Variants in MYO5C observed in about 807,000 individuals in gnomAD.
The protein encoded by MYO5C is myosin VC, also known as unconventional myosin-Vc.
A neutral mutation model predicts 235.7 loss-of-function variants in MYO5C; 194 were observed. That is an observed-to-expected ratio of 0.82 (90% confidence interval 0.73 to 0.93). The LOEUF (loss-of-function observed/expected upper bound fraction) is 0.93. Ranked by LOEUF, MYO5C falls within the 40% of genes least tolerant of loss-of-function variation. MYO5C has a pLI of 0.00. For missense variants in MYO5C, 2,038 were observed against 2,127.2 expected (o/e 0.96, Z 0.82); for synonymous variants, 707 against 754.8 (o/e 0.94, Z 1.04).
intron 7 of MYO5C, among the ~76,000 whole-genome samples, chr15:52,271,390 G>A (rs935702518): frequency 3.3e-5 from 5 of 152,028 alleles, no homozygotes; most frequent in South Asian, 2.1e-4. Context: ...CACCACACCC[G>A]GTTAATTTTT....
Position 52,278,902 on chromosome 15 carries a change from C to T in MYO5C, c.420G>A (p.Val140=). Residue 140 remains valine, a synonymous_variant, in exon 4 of 41, where the codon GTG becomes GTA. Transcript: ENST00000261839. The part of the protein sequence containing the change: ...MGDMDPHIFA[V]AEEAYKQMAR... ...CCATCTGCTTGTATGCCTCTTCTGC[C>T]ACGGCAAATATGTGTGGGTCCATAT... The T allele has an allele frequency of 1.2e-6, 2 of 1,614,104 alleles. No individual in the cohort carries two copies. The highest frequency in any genetic ancestry group is 1.7e-6 in the Non-Finnish European group (2 of 1,180,000).
At chr15:52,226,138 T>G (rs2035817423) in intron 25 of MYO5C, among the ~76,000 whole-genome samples, 1 of 152,052 alleles carries the variant, frequency 6.6e-6, no homozygotes, top group South Asian at 2.1e-4. Flanking sequence ...GGGGGAAGAC[T>G]GAGAAAGGTA....
chr15:52,274,741 T>C (rs1283605275), intron 5 of MYO5C, among the ~76,000 whole-genome samples: 1 of 150,168 alleles, frequency 6.7e-6, no homozygotes, highest in Non-Finnish European at 1.5e-5. Context: ...ATCTTACACT[T>C]GGAGATTGGG....
At position 52,192,792 on chromosome 15, in the gene MYO5C, G is replaced by A. The variant is rs138758514; in HGVS notation, c.*1110C>T. 7.2e-5 allele frequency: 11 copies of A among 152,170 alleles called. No individual in the cohort carries two copies. In the East Asian group the frequency reaches 2.1e-3, roughly 29 times the overall value. The allele number at this position is 152,170 out of a possible 1,614,324, so 9.4% of individuals were successfully genotyped here. A position where few individuals can be genotyped will look rare whatever the true frequency, so the allele number is the denominator to read the frequency against. ...TACATTGAAATGCTGATTAGAGAGCGAAAGTAATTTAGGTTGCTTTTTCAA... is the reference window on the plus strand; with the variant it reads ...TACATTGAAATGCTGATTAGAGAGCAAAAGTAATTTAGGTTGCTTTTTCAA... On this transcript the variant is annotated 3_prime_UTR_variant, in exon 41 of 41. Transcript: ENST00000261839.
intron 4 of MYO5C, 92 bp from the exon 5 acceptor site, chr15:52,275,810 G>A: frequency 1.6e-6 from 2 of 1,245,354 alleles, no homozygotes; most frequent in Admixed American, 1.9e-5. Flanking sequence ...GACAAAAGAG[G>A]GAAACTGTTT....
Position 52,223,578 on chromosome 15 carries a change from C to G in MYO5C, c.3593G>C (p.Arg1198Pro). 6.2e-7 allele frequency: 1 copy of G among 1,614,130 alleles called. No homozygotes were observed. Among genetic ancestry groups the G allele is most frequent in the Non-Finnish European group, 8.5e-7 (1 of 1,179,996 alleles). ...TGATGTTAGCCTGGTAACTTCATGACGGATGCTTTCATTGATGTCATTTTC... is the reference window on the plus strand; with the variant it reads ...TGATGTTAGCCTGGTAACTTCATGAGGGATGCTTTCATTGATGTCATTTTC... ...REENDINESI[R>P]HEVTRLTSEN... Residue 1198 changes from arginine to proline, a missense_variant, in exon 29 of 41, where the codon CGT becomes CCT. Physicochemically the swap from Arg to Pro is moderately radical, Grantham distance 103. Coordinates refer to ENST00000261839, the MANE Select transcript of MYO5C (RefSeq NM_018728.4).
At chr15:52,208,248 A>AT (rs1156656904) in intron 36 of MYO5C, among the ~76,000 whole-genome samples, 1 of 152,244 alleles carries the variant, frequency 6.6e-6, no homozygotes, top group Non-Finnish European at 1.5e-5. Context: ...AGAAACAGGC[A>AT]TTTTAAACCA....
chr15:52,232,571 C>G (rs1476318524), intron 24 of MYO5C, 51 bp downstream of exon 24: 1 of 1,550,252 alleles, frequency 6.5e-7, no homozygotes, highest in Admixed American at 1.7e-5. Context: ...AAATATAAAA[C>G]AGCACAGACA....
chr15:52,194,358 A>G (rs1283946636), intron 40 of MYO5C, among the ~76,000 whole-genome samples: 2 of 152,238 alleles, frequency 1.3e-5, no homozygotes, highest in African/African-American at 4.8e-5. Flanking sequence ...TTCTAAGGTC[A>G]AACATGAGTA....
intron 16 of MYO5C, 131 bp from the exon 17 acceptor site, chr15:52,246,173 T>G: frequency 1.5e-6 from 1 of 681,136 alleles, no homozygotes; most frequent in Non-Finnish European, 2.6e-6. Context: ...AAGTTTCTAT[T>G]GCATGACCAA....
At chr15:52,285,769 T>G (rs1046063401) in intron 1 of MYO5C, among the ~76,000 whole-genome samples, 2 of 152,214 alleles carry the variant, frequency 1.3e-5, no homozygotes, top group Non-Finnish European at 2.9e-5. Flanking sequence ...GTTCACTCAG[T>G]GCTCAATGGT....
Position 52,225,523 on chromosome 15 carries a change from C to A in MYO5C, c.3217G>T (p.Glu1073Ter). ...AGTAGTTCTATCTCTTTTTCGAACT[C>A]AGAGATTGTCTGAATCACAGCAATG... ...RLSKQVKTIS[E>*]FEKEIELLQA... Residue 1073 changes from glutamate to a stop codon, truncating the protein, a stop_gained, in exon 26 of 41, where the codon GAG (glutamate) becomes TAG (stop). Transcript: ENST00000261839. LOFTEE classifies it high-confidence loss of function. 1 of 1,610,994 alleles carries A rather than the reference C, an allele frequency of 6.2e-7. No individual in the cohort carries two copies. Among genetic ancestry groups the A allele is most frequent in the South Asian group, 1.1e-5 (1 of 90,980 alleles).
intron 12 of MYO5C, 111 bp downstream of exon 12, chr15:52,253,206 C>T (rs1429480415): frequency 6.4e-6 from 7 of 1,090,364 alleles, no homozygotes; most frequent in African/African-American, 1.6e-5. Context: ...TCCATCCAAC[C>T]AACTGGATAA....
At chr15:52,291,884 G>A (rs1463216573) in intron 1 of MYO5C, among the ~76,000 whole-genome samples, 9 of 151,400 alleles carry the variant, frequency 5.9e-5, no homozygotes, top group African/African-American at 2.2e-4. Flanking sequence ...GACTACAGGC[G>A]CCTGCCACCA....
At chr15:52,227,250 A>G (rs2035847913) in intron 25 of MYO5C, among the ~76,000 whole-genome samples, 1 of 130,474 alleles carries the variant, frequency 7.7e-6, no homozygotes, top group African/African-American at 2.9e-5. Context: ...GCTGGAGTTC[A>G]GTGGTGCAAT....
intron 10 of MYO5C, among the ~76,000 whole-genome samples, chr15:52,260,366 G>A (rs923504794): frequency 3.3e-5 from 5 of 152,204 alleles, no homozygotes; most frequent in African/African-American, 1.2e-4. Context: ...CTTGGGCAAG[G>A]TGCAAGCCTA....
At position 52,205,086 on chromosome 15, in the gene MYO5C, G is replaced by A. The variant is rs2035277046; in HGVS notation, c.4599C>T (p.Phe1533=). The A allele has an allele frequency of 1.2e-6, 2 of 1,614,220 alleles. No homozygotes were observed. The highest frequency in any genetic ancestry group is 1.7e-6 in the Non-Finnish European group (2 of 1,180,050). The change falls in exon 38 of 41, where the codon TTC becomes TTT. Residue 1533 remains phenylalanine (F), a synonymous_variant. Transcript: ENST00000261839. ...CGTCTATGCTAGAGGAGCGCTTCCG[G>A]AAGCCTGTGGGCTTCAGGCCGGAAA... ...QGISGLKPTG[F]RKRSSSIDDT... is the part of the protein sequence containing the mutation.
At chr15:52,195,641 G>C (rs929716671) in intron 39 of MYO5C, among the ~76,000 whole-genome samples, 184 bp from the exon 40 acceptor site, 1 of 152,080 alleles carries the variant, frequency 6.6e-6, no homozygotes, top group East Asian at 1.9e-4. Flanking sequence ...AGTGCCTTAG[G>C]GAGCAAAGGC....
At chr15:52,276,039 T>G (rs950620950) in intron 4 of MYO5C, among the ~76,000 whole-genome samples, 2 of 152,176 alleles carry the variant, frequency 1.3e-5, no homozygotes, top group African/African-American at 4.8e-5. Context: ...TTTTAAACTC[T>G]GTTCTTGAAT....
Sources: allele counts gnomAD v4.1 joint callset (sites outside exome capture counted in the v4.1 genomes callset), GRCh38; gene constraint gnomAD v4.1.1; transcripts MANE v1.5; gene names NCBI Gene and HGNC (gene_info 2026-07-23, HGNC 2026-07-21).